The following RBFOX1 variants were observed in gnomAD, a reference collection of about 807,000 sequenced individuals.
RBFOX1 encodes RNA binding protein fox-1 homolog 1.
RBFOX1 carries 8 observed loss-of-function variants against 57.7 expected under a neutral mutation model. That is an observed-to-expected ratio of 0.14 (90% confidence interval 0.08 to 0.25). The LOEUF (loss-of-function observed/expected upper bound fraction) is 0.25. Among genes scored for constraint, RBFOX1 ranks in the 10% least tolerant of loss-of-function variants. The pLI is 1.00. For missense variants in RBFOX1, 611 were observed against 548.5 expected (o/e 1.11, Z -1.14); for synonymous variants, 326 against 222.4 (o/e 1.47, Z -4.15).
intron 13 of RBFOX1, among the ~76,000 whole-genome samples, chr16:7,669,365 GGAGA>G (rs2070606059): frequency 6.6e-6 from 1 of 151,940 alleles, no homozygotes. Context: ...ATGAAAAGAG[GGAGA>G]GAAAGAAATT....
intron 1 of RBFOX1, among the ~76,000 whole-genome samples, chr16:6,246,295 T>C (rs1420644725): frequency 6.6e-6 from 1 of 152,140 alleles, no homozygotes; most frequent in Non-Finnish European, 1.5e-5. Flanking sequence ...TTCCAGCTCT[T>C]AGTGGGCTAT....
At chr16:5,811,924 T>C (rs533277320) in intron 3 of RBFOX1, among the ~76,000 whole-genome samples, 2 of 152,182 alleles carry the variant, frequency 1.3e-5, no homozygotes, top group Non-Finnish European at 2.9e-5. Flanking sequence ...GTAGTTAATC[T>C]ACTCTCCCTC....
intron 14 of RBFOX1, among the ~76,000 whole-genome samples, chr16:7,696,898 G>A (rs1252747433): frequency 1.3e-5 from 2 of 152,132 alleles, no homozygotes; most frequent in Admixed American, 1.3e-4. Context: ...AGACCCTGTG[G>A]TTGAGACATA....
At chr16:6,210,317 G>GAA (rs796379157) in intron 1 of RBFOX1, among the ~76,000 whole-genome samples, 2 of 14,346 alleles carry the variant, frequency 1.4e-4, no homozygotes, top group African/African-American at 4.0e-4. Flanking sequence ...AATTCTGTCT[G>GAA]AAAAAAAAAA....
At chr16:6,658,746 T>G (rs1046948062) in intron 3 of RBFOX1, among the ~76,000 whole-genome samples, 1 of 152,038 alleles carries the variant, frequency 6.6e-6, no homozygotes, top group Non-Finnish European at 1.5e-5. Flanking sequence ...TGGCTTTATG[T>G]TTTTCTTTCG....
chr16:7,692,668 A>C (rs1364494564), intron 14 of RBFOX1, among the ~76,000 whole-genome samples: 1 of 152,182 alleles, frequency 6.6e-6, no homozygotes, highest in East Asian at 1.9e-4. Flanking sequence ...ACAGTTGGAA[A>C]CGTCTTAAGA....
chr16:5,988,391 C>G (rs191284822), intron 4 of RBFOX1, among the ~76,000 whole-genome samples: 39 of 152,320 alleles, frequency 2.6e-4, no homozygotes, highest in African/African-American at 9.4e-4. Flanking sequence ...ATTACGTTAT[C>G]AAGCCTCTAA....
At chr16:7,223,712 G>GAAAA (rs71147673) in intron 4 of RBFOX1, among the ~76,000 whole-genome samples, 3 of 130,478 alleles carry the variant, frequency 2.3e-5, no homozygotes, top group African/African-American at 8.2e-5. Context: ...CAGTGTTTCA[G>GAAAA]AAAAAAAAAA....
chr16:7,479,101 CA>C (rs1440784677), intron 4 of RBFOX1, among the ~76,000 whole-genome samples: 28 of 136,028 alleles, frequency 2.1e-4, no homozygotes, highest in African/African-American at 6.4e-4. Flanking sequence ...GGAAGTGGAT[CA>C]AAACCCAGTT....
At chr16:5,648,583 T>G (rs985470828) in intron 3 of RBFOX1, among the ~76,000 whole-genome samples, 1 of 152,018 alleles carries the variant, frequency 6.6e-6, no homozygotes, top group African/African-American at 2.4e-5. Context: ...TGCCCTATGA[T>G]GCACAGGACA....
intron 3 of RBFOX1, among the ~76,000 whole-genome samples, chr16:7,000,831 T>C (rs2092725157): frequency 6.6e-6 from 1 of 152,092 alleles, no homozygotes; most frequent in Non-Finnish European, 1.5e-5. Context: ...CTCGATCTCC[T>C]GACCTTGTGA....
intron 3 of RBFOX1, among the ~76,000 whole-genome samples, chr16:5,605,598 G>A (rs973123138): frequency 3.3e-5 from 5 of 151,598 alleles, no homozygotes; most frequent in African/African-American, 7.3e-5. Flanking sequence ...TGCCACTGAT[G>A]AGTAATGTCT....
At chr16:6,057,038 A>G (rs2095622987) in intron 1 of RBFOX1, 1 of 151,994 alleles carries the variant, frequency 6.6e-6, no homozygotes, top group Non-Finnish European at 1.5e-5. Context: ...CCCCGAAGAA[A>G]GAGATTCACG....
chr16:6,989,181 C>T (rs1328019763), intron 3 of RBFOX1, among the ~76,000 whole-genome samples: 2 of 152,202 alleles, frequency 1.3e-5, no homozygotes, highest in African/African-American at 4.8e-5. Flanking sequence ...CAGGCCTGAG[C>T]CACTGTGCTT....
chr16:7,707,107 G>C (rs371090583), intron 14 of RBFOX1, among the ~76,000 whole-genome samples: 3 of 152,176 alleles, frequency 2.0e-5, no homozygotes, highest in East Asian at 1.9e-4. Context: ...TCAGGTCCTT[G>C]TTTGAGGATC....
At chr16:5,336,757 C>T (rs1163216068) in intron 1 of RBFOX1, among the ~76,000 whole-genome samples, 1 of 152,184 alleles carries the variant, frequency 6.6e-6, no homozygotes, top group Non-Finnish European at 1.5e-5. Flanking sequence ...CCCTCCAGCC[C>T]CCCTCCTTCT....
intron 5 of RBFOX1, among the ~76,000 whole-genome samples, chr16:7,552,584 G>A (rs2086894547): frequency 6.6e-6 from 1 of 152,160 alleles, no homozygotes; most frequent in South Asian, 2.1e-4. Flanking sequence ...TGCGGCAGAA[G>A]CAAAAACAAG....
At chr16:6,107,194 G>A (rs780189578) in intron 1 of RBFOX1, among the ~76,000 whole-genome samples, 10 of 151,824 alleles carry the variant, frequency 6.6e-5, no homozygotes, top group Non-Finnish European at 1.0e-4. Flanking sequence ...TTTCTTCTGG[G>A]TCCCCATCTG....
chr16:5,986,487 A>G (rs1462047451), intron 4 of RBFOX1, among the ~76,000 whole-genome samples: 4 of 152,344 alleles, frequency 2.6e-5, no homozygotes, highest in African/African-American at 9.6e-5. Flanking sequence ...ATCTTAAGAT[A>G]TCGAATCATT....
Sources: allele counts gnomAD v4.1 joint callset (sites outside exome capture counted in the v4.1 genomes callset), GRCh38; gene constraint gnomAD v4.1.1; transcripts MANE v1.5; gene names NCBI Gene and HGNC (gene_info 2026-07-23, HGNC 2026-07-21).